NPIPB2: variants seen among roughly 807,000 people sequenced by gnomAD.
NPIPB2 encodes nuclear pore complex-interacting protein family member B2.
Under a neutral mutation model 30.8 loss-of-function variants are expected in NPIPB2, and 27 were observed. That is an observed-to-expected ratio of 0.88 (90% CI 0.65 to 1.21). The LOEUF is 1.21. Ranked by LOEUF, NPIPB2 falls within the 50% of genes most tolerant of loss-of-function variation. The pLI is 0.00. For synonymous variants in NPIPB2, 147 were observed against 162.0 expected, an observed-to-expected ratio of 0.91 and a Z score of 0.70; for missense variants, 440 against 446.2, an observed-to-expected ratio of 0.99 and a Z score of 0.13.
intron 1 of NPIPB2, among the ~76,000 whole-genome samples, chr16:11,976,156 T>C (rs1455775511): frequency 6.6e-6 from 1 of 152,042 alleles, no homozygotes; most frequent in Non-Finnish European, 1.5e-5. Context: ...CTCGAACTCC[T>C]GACCTCAGGT....
At chr16:11,963,117 T>C (rs1408914337) in intron 1 of NPIPB2, among the ~76,000 whole-genome samples, 1 of 151,990 alleles carries the variant, frequency 6.6e-6, no homozygotes, top group Non-Finnish European at 1.5e-5. Flanking sequence ...AGGTGGCTCA[T>C]GCCTGTAATC....
At chr16:11,938,842 G>A (rs1402818191) in intron 1 of NPIPB2, among the ~76,000 whole-genome samples, 17 of 151,536 alleles carry the variant, frequency 1.1e-4, no homozygotes, top group African/African-American at 3.4e-4. Flanking sequence ...TCCGCCTCCC[G>A]GGTTCAAGCG....
chr16:11,965,245 T>G, intron 1 of NPIPB2: 1 of 1,569,554 alleles, frequency 6.4e-7, no homozygotes, highest in Non-Finnish European at 8.7e-7. Flanking sequence ...TTGCTGCATT[T>G]GCTCTGGAAT....
At chr16:11,959,571 G>A (rs2055139281) in intron 1 of NPIPB2, among the ~76,000 whole-genome samples, 1 of 151,776 alleles carries the variant, frequency 6.6e-6, no homozygotes, top group Admixed American at 6.6e-5. Context: ...CCGGGTGACA[G>A]AGGGAGACCC....
At chr16:11,945,101 C>T (rs1054985150), upstream of NPIPB2, among the ~76,000 whole-genome samples, 6 of 152,030 alleles carry the variant, frequency 3.9e-5, no homozygotes, top group Non-Finnish European at 7.4e-5. Context: ...GCAGAAGAAT[C>T]GCTTGAACCC....
At chr16:11,969,335 G>A (rs1036346989) in intron 1 of NPIPB2, among the ~76,000 whole-genome samples, 1 of 151,854 alleles carries the variant, frequency 6.6e-6, no homozygotes, top group African/African-American at 2.4e-5. Flanking sequence ...TCAGCTCACT[G>A]CAACCTCTGC....
chr16:11,970,678 G>A (rs1392785267), intron 1 of NPIPB2, among the ~76,000 whole-genome samples: 2 of 152,000 alleles, frequency 1.3e-5, no homozygotes, highest in Admixed American at 1.3e-4. Flanking sequence ...TGGGATTACA[G>A]GCACCTGCCA....
chr16:11,967,451 C>A (rs2055203807), intron 1 of NPIPB2: 2 of 1,065,090 alleles, frequency 1.9e-6, no homozygotes, highest in Non-Finnish European at 2.7e-6. Flanking sequence ...AAGACCCCAC[C>A]TCTAAAAAAT....
chr16:11,971,455 G>T (rs543029517), intron 1 of NPIPB2, among the ~76,000 whole-genome samples: 1 of 151,438 alleles, frequency 6.6e-6, no homozygotes, highest in African/African-American at 2.4e-5. Flanking sequence ...GGTGGTGGGG[G>T]GGTGGGTGGT....
intron 1 of NPIPB2, among the ~76,000 whole-genome samples, chr16:11,964,316 C>G (rs1273779124): frequency 6.6e-6 from 1 of 152,036 alleles, no homozygotes; most frequent in Non-Finnish European, 1.5e-5. Flanking sequence ...ACCTATCTTC[C>G]TCTCAGCCCT....
intron 1 of NPIPB2, chr16:11,965,024 T>A (rs1050990169): frequency 7.2e-6 from 3 of 415,984 alleles, no homozygotes; most frequent in African/African-American, 4.0e-5. Flanking sequence ...GTCACCTGGC[T>A]GAGAAATTTC....
At chr16:11,946,385 CAAAA>C (rs34318693), upstream of NPIPB2, among the ~76,000 whole-genome samples, 2 of 70,098 alleles carry the variant, frequency 2.9e-5, no homozygotes, top group Non-Finnish European at 5.2e-5. Flanking sequence ...AACTCTATCT[CAAAA>C]AAAAAAAAAA....
intron 1 of NPIPB2, among the ~76,000 whole-genome samples, chr16:11,972,060 C>T (rs1212296707): frequency 6.6e-6 from 1 of 151,910 alleles, no homozygotes; most frequent in Non-Finnish European, 1.5e-5. Flanking sequence ...GCAGGAGGAT[C>T]ACTTGAACCT....
intron 1 of NPIPB2, among the ~76,000 whole-genome samples, chr16:11,962,653 C>A (rs2055162954): frequency 6.7e-6 from 1 of 150,320 alleles, no homozygotes; most frequent in Non-Finnish European, 1.5e-5. Flanking sequence ...GGAAGACTGA[C>A]AGTAATTACT....
intron 4 of NPIPB2, among the ~76,000 whole-genome samples, chr16:11,931,231 AG>A (rs2054786667): frequency 7.2e-6 from 1 of 138,982 alleles, no homozygotes; most frequent in Non-Finnish European, 1.5e-5. Context: ...TCCTGAAAAT[AG>A]GTGACAACGG....
intron 4 of NPIPB2, among the ~76,000 whole-genome samples, chr16:11,932,818 A>G (rs200652351): frequency 0.59 from 62,882 of 106,026 alleles, 22,896 homozygotes; most frequent in Non-Finnish European, 0.81. Flanking sequence ...AAAATTGGCC[A>G]AATGTGGTGG....
At chr16:11,975,717 A>G (rs1033558098) in intron 1 of NPIPB2, among the ~76,000 whole-genome samples, 25 of 151,978 alleles carry the variant, frequency 1.6e-4, no homozygotes, top group African/African-American at 5.8e-4. Flanking sequence ...CAGCCTCCCC[A>G]GTAGCTGGGA....
intron 2 of NPIPB2, among the ~76,000 whole-genome samples, chr16:11,934,134 G>T (rs2054832148): frequency 2.0e-5 from 3 of 151,930 alleles, no homozygotes; most frequent in Admixed American, 2.0e-4. Flanking sequence ...GGGAGGCTGA[G>T]GCAGAGAACC....
intron 1 of NPIPB2, chr16:11,956,014 C>G (rs557267900): frequency 6.6e-6 from 1 of 152,142 alleles, no homozygotes; most frequent in Non-Finnish European, 1.5e-5. Flanking sequence ...CACGTTTTCA[C>G]TTATTTTTGA....
Sources: gnomAD v4.1 joint callset for allele counts (sites outside exome capture counted in the v4.1 genomes callset) on GRCh38, gnomAD v4.1.1 for gene constraint, MANE v1.5 for transcripts, NCBI Gene and HGNC (gene_info 2026-07-23, HGNC 2026-07-21) for gene names.